The following AGBL1 variants were observed in gnomAD, a reference collection of about 807,000 sequenced individuals.
AGBL1 encodes cytosolic carboxypeptidase 4.
A neutral mutation model predicts 118.9 loss-of-function variants in AGBL1; 130 were observed. That is an observed-to-expected ratio of 1.09 (90% CI 0.95 to 1.26). AGBL1 has a LOEUF of 1.26. Among genes scored for constraint, AGBL1 ranks in the 50% most tolerant of loss-of-function variants. The pLI is 0.00. For synonymous variants in AGBL1, 555 were observed against 478.9 expected (o/e 1.16, Z -2.08); for missense variants, 1,584 against 1,298.1 (o/e 1.22, Z -3.38).
intron 18 of AGBL1, among the ~76,000 whole-genome samples, chr15:86,410,056 T>C (rs1252628040): frequency 6.6e-6 from 1 of 152,190 alleles, no homozygotes; most frequent in Non-Finnish European, 1.5e-5. Flanking sequence ...TTGGGTATAA[T>C]ATAGATAAGT....
intron 23 of AGBL1, among the ~76,000 whole-genome samples, chr15:86,971,520 T>A (rs1596690563): frequency 6.6e-6 from 1 of 152,038 alleles, no homozygotes; most frequent in Non-Finnish European, 1.5e-5. Flanking sequence ...GATGTGCTTT[T>A]TAATTAAATA....
At chr15:86,276,760 A>G (rs1438557859) in intron 15 of AGBL1, among the ~76,000 whole-genome samples, 1 of 152,230 alleles carries the variant, frequency 6.6e-6, no homozygotes, top group Non-Finnish European at 1.5e-5. Context: ...CATGGGAACA[A>G]TTTAACATAG....
chr15:86,972,421 G>A (rs1175415161), intron 23 of AGBL1, among the ~76,000 whole-genome samples: 2 of 151,554 alleles, frequency 1.3e-5, no homozygotes, highest in East Asian at 1.9e-4. Context: ...CTTCATTCAG[G>A]CTTGGATGAT....
chr15:86,660,578 A>AT (rs1396292585), intron 21 of AGBL1, among the ~76,000 whole-genome samples: 2 of 151,640 alleles, frequency 1.3e-5, no homozygotes, highest in African/African-American at 2.4e-5. Context: ...TTTTTTACTG[A>AT]TTTTTTAAGT....
chr15:86,296,351 G>A (rs76393972), intron 17 of AGBL1: 34,336 of 151,882 alleles, frequency 0.23, 4,237 homozygotes, highest in Non-Finnish European at 0.27. Flanking sequence ...ACTGCCTTCC[G>A]TAATGAAGAT....
intron 17 of AGBL1, among the ~76,000 whole-genome samples, chr15:86,311,822 C>T (rs1028348529): frequency 6.6e-6 from 1 of 152,120 alleles, no homozygotes; most frequent in Non-Finnish European, 1.5e-5. Context: ...CCTTCAGCTG[C>T]GGAAGGAGCT....
At chr15:86,865,786 G>A (rs2079619521) in intron 22 of AGBL1, among the ~76,000 whole-genome samples, 1 of 152,142 alleles carries the variant, frequency 6.6e-6, no homozygotes. Context: ...TGGAGTCTAT[G>A]TTTAGCCTAT....
chr15:86,204,503 TC>T, intron 5 of AGBL1, among the ~76,000 whole-genome samples: 2 of 122,400 alleles, frequency 1.6e-5, no homozygotes, highest in Non-Finnish European at 3.4e-5. Flanking sequence ...CCCTTCCCCT[TC>T]CCCTTCCCCT....
intron 21 of AGBL1, among the ~76,000 whole-genome samples, chr15:86,626,536 A>G (rs1029897228): frequency 6.6e-6 from 1 of 152,216 alleles, no homozygotes; most frequent in Non-Finnish European, 1.5e-5. Context: ...AGGAGCAAGA[A>G]AAATAACTAA....
chr15:86,446,934 A>G (rs1458905382), intron 18 of AGBL1, among the ~76,000 whole-genome samples: 1 of 152,248 alleles, frequency 6.6e-6, no homozygotes. Flanking sequence ...AAGCAAATAA[A>G]GGAAGAGACA....
At chr15:86,191,167 A>AC (rs142989977) in intron 5 of AGBL1, among the ~76,000 whole-genome samples, 22,988 of 150,870 alleles carry the variant, frequency 0.15, 1,848 homozygotes, top group Middle Eastern at 0.24. Flanking sequence ...ACATGGTGAA[A>AC]CCCCCCCTCC....
chr15:86,597,951 A>G (rs1275134889), intron 21 of AGBL1, among the ~76,000 whole-genome samples: 1 of 152,122 alleles, frequency 6.6e-6, no homozygotes, highest in Non-Finnish European at 1.5e-5. Flanking sequence ...GCCATTGTTG[A>G]TAGTCCTGAT....
intron 22 of AGBL1, among the ~76,000 whole-genome samples, chr15:86,796,092 C>G (rs961816341): frequency 1.3e-5 from 2 of 152,044 alleles, no homozygotes; most frequent in African/African-American, 4.8e-5. Context: ...ACAATTATCA[C>G]CAAGTTAAAA....
intron 16 of AGBL1, among the ~76,000 whole-genome samples, 157 bp from the exon 17 acceptor site, chr15:86,295,098 G>T (rs998286353): frequency 6.6e-6 from 1 of 152,174 alleles, no homozygotes; most frequent in Non-Finnish European, 1.5e-5. Flanking sequence ...CTACACAGTA[G>T]AAATAGCCCC....
intron 1 of AGBL1, among the ~76,000 whole-genome samples, chr15:86,106,822 G>C (rs1052317476): frequency 1.3e-5 from 2 of 152,222 alleles, no homozygotes; most frequent in African/African-American, 4.8e-5. Context: ...AGTTCTTGGA[G>C]TTGCTCATAG....
rs149146198 is a variant in AGBL1, at chr15:86,895,052, T to TCC, written c.3159-12034_3159-12033insCC. Among the ~76,000 whole-genome samples the TCC allele has an allele frequency of 1.5e-3, 219 of 145,796 alleles. 2 individuals carry two copies. The highest frequency in any genetic ancestry group is 5.3e-3 in the African/African-American group (208 of 39,272). On this transcript the variant is annotated intron_variant, in intron 22 of 22. Transcript: ENST00000614907. Reference sequence around the variant, plus strand: ...TTCATATCCATCCCCTTTTGTTCCTTCTTTCTTTTATCTTCCCTCCTTCCC... The same window carrying TCC: ...TTCATATCCATCCCCTTTTGTTCCTTCCCTTTCTTTTATCTTCCCTCCTTCCC...
chr15:86,165,670 C>G lies in AGBL1; in HGVS notation c.488+6644C>G, dbSNP rs2077331165. Among the ~76,000 whole-genome samples the G allele has an allele frequency of 2.6e-5, 4 of 152,138 alleles. No individual in the cohort carries two copies. In the South Asian group the frequency reaches 8.3e-4, roughly 32 times the overall value. On this transcript the variant is annotated intron_variant, in intron 5 of 22. Transcript: ENST00000614907. The stretch of plus-strand genomic sequence containing the variant: ...ACTAACGGCTTCATGATTCCCCATT[C>G]AACATTAGAGTCTGTGGTCTCCAGG...
intron 21 of AGBL1, among the ~76,000 whole-genome samples, chr15:86,645,439 C>A (rs2085261677): frequency 6.6e-6 from 1 of 152,088 alleles, no homozygotes; most frequent in African/African-American, 2.4e-5. Flanking sequence ...CTATTTAATC[C>A]TAATTTTTAA....
intron 5 of AGBL1, among the ~76,000 whole-genome samples, chr15:86,218,416 G>C (rs1484366232): frequency 1.3e-5 from 2 of 152,180 alleles, no homozygotes; most frequent in Non-Finnish European, 2.9e-5. Context: ...AACATTGCAA[G>C]AAGCTTTGGG....
Sources: allele counts gnomAD v4.1 joint callset (sites outside exome capture counted in the v4.1 genomes callset), GRCh38; gene constraint gnomAD v4.1.1; transcripts MANE v1.5; gene names NCBI Gene and HGNC (gene_info 2026-07-23, HGNC 2026-07-21).